The following OGFOD3 variants were observed in gnomAD, a reference collection of about 807,000 sequenced individuals.
OGFOD3 encodes 2-oxoglutarate and iron-dependent oxygenase domain-containing protein 3.
Under a neutral mutation model 39.8 loss-of-function variants are expected in OGFOD3, and 35 were observed. The ratio of observed to expected loss-of-function variants is 0.88; its 90% CI spans 0.67 to 1.17. OGFOD3 has a LOEUF of 1.17. OGFOD3 is among the 50% of genes most tolerant of loss of function. The pLI, the probability that OGFOD3 is intolerant of heterozygous loss-of-function variation, is 0.00. For missense variants in OGFOD3, 438 were observed against 454.5 expected (o/e 0.96, Z 0.33); for synonymous variants, 200 against 192.0 (o/e 1.04, Z -0.34).
At chr17:82,418,123 G>GAGC (rs2053102238) in intron 1 of OGFOD3, among the ~76,000 whole-genome samples, 1 of 152,202 alleles carries the variant, frequency 6.6e-6, no homozygotes, top group South Asian at 2.1e-4. Flanking sequence ...CAGGTTCCCG[G>GAGC]AGCAGCAGCA....
At chr17:82,401,818 A>C (rs1328284592) in intron 7 of OGFOD3, among the ~76,000 whole-genome samples, 7 of 149,832 alleles carry the variant, frequency 4.7e-5, no homozygotes, top group African/African-American at 1.7e-4. Context: ...AAAAAAAAAA[A>C]AAAAACAAAG....
intron 5 of OGFOD3, 34 bp from the exon 6 acceptor site, chr17:82,405,414 C>T (rs900657606): frequency 1.3e-6 from 2 of 1,548,890 alleles, no homozygotes; most frequent in Non-Finnish European, 8.9e-7. Flanking sequence ...AAGGTCACAA[C>T]ACTTCATTAA....
intron 8 of OGFOD3, chr17:82,394,581 G>T: frequency 6.5e-7 from 1 of 1,545,110 alleles, no homozygotes; most frequent in Non-Finnish European, 8.8e-7. Context: ...GTAAAGGGTT[G>T]ACTCCAGGGG....
rs1199624821 is a variant in OGFOD3 at position 82,390,364 on chromosome 17, C to T, written c.*2034G>A. On this transcript the variant is annotated 3_prime_UTR_variant, in exon 9 of 9. Transcript: ENST00000313056. The surrounding 1 kb of genome is among the most constrained non-coding windows in gnomAD (Gnocchi z 4.9). ...TCAAGGGCGGCCCAGGCTCAGGCGA[C>T]TTCCCACCCACGATGGGGCCCACCA... 1 of 152,324 alleles carries T rather than the reference C, an allele frequency of 6.6e-6. No individual in the cohort carries two copies. Among genetic ancestry groups the T allele is most frequent in the Non-Finnish European group, 1.5e-5 (1 of 68,102 alleles). 9.4% of individuals were successfully genotyped at this position (152,324 alleles called of 1,614,324 possible). A position where few individuals can be genotyped will look rare whatever the true frequency, so the allele number is the denominator to read the frequency against.
At chr17:82,405,245 C>A (rs1242321445) in intron 6 of OGFOD3, 79 bp downstream of exon 6, 2 of 1,304,094 alleles carry the variant, frequency 1.5e-6, no homozygotes, top group Non-Finnish European at 2.2e-6. Flanking sequence ...GGGGCCTCCC[C>A]GGACCGGCCA....
In OGFOD3 at chr17:82,404,200, C is replaced by T. The variant is rs983710708; in HGVS notation, c.546-110G>A. 4.7e-5 allele frequency: 60 copies of T among 1,289,230 alleles called. No homozygotes were observed. The highest frequency in any genetic ancestry group is 5.0e-5 in the Non-Finnish European group (48 of 965,048). The allele number at this position is 1,289,230 out of a possible 1,614,324, so 79.9% of individuals were successfully genotyped here. ...ACCAGCCTTCGTACGGCTCCGGGCCCGCGGGGCGGGGGCTCCCAAGCACAC... is the reference window on the plus strand; with the variant it reads ...ACCAGCCTTCGTACGGCTCCGGGCCTGCGGGGCGGGGGCTCCCAAGCACAC... On this transcript the variant is annotated intron_variant, in intron 6 of 8. Coordinates refer to ENST00000313056, the MANE Select transcript of OGFOD3 (RefSeq NM_024648.3). The surrounding 1 kb of genome is among the most constrained non-coding windows in gnomAD (Gnocchi z 4.5).
intron 2 of OGFOD3, among the ~76,000 whole-genome samples, chr17:82,414,983 ATC>A (rs2053009418): frequency 6.6e-6 from 1 of 152,046 alleles, no homozygotes; most frequent in African/African-American, 2.4e-5. Flanking sequence ...CACCTCCCGC[ATC>A]TCTCAGGCCC....
intron 7 of OGFOD3, among the ~76,000 whole-genome samples, chr17:82,398,973 C>G (rs539238534): frequency 3.7e-4 from 39 of 104,602 alleles, no homozygotes; most frequent in Admixed American, 8.4e-4. Flanking sequence ...CTGTGCCTGG[C>G]TGATTTTTGT....
Position 82,418,208 on chromosome 17 carries a change from G to A in OGFOD3, c.74+204C>T, listed in dbSNP as rs971264031. ...CTGGGATAGGTGGGCCTCTGCCGTCGGCTACCGCGGCTCCCGCCCGCACCT... is the reference window on the plus strand; with the variant it reads ...CTGGGATAGGTGGGCCTCTGCCGTCAGCTACCGCGGCTCCCGCCCGCACCT... On this transcript the variant is annotated intron_variant, in intron 1 of 8. Coordinates refer to ENST00000313056, the MANE Select transcript of OGFOD3 (RefSeq NM_024648.3). The A allele has an allele frequency of 3.0e-5, 12 of 402,546 alleles. No homozygotes were observed. In the East Asian group the frequency reaches 4.7e-4, roughly 16 times the overall value. The allele number at this position is 402,546 out of a possible 1,614,324, so 24.9% of individuals were successfully genotyped here.
At chr17:82,412,883 C>T (rs768599162) in intron 2 of OGFOD3, among the ~76,000 whole-genome samples, 1 of 152,186 alleles carries the variant, frequency 6.6e-6, no homozygotes, top group Admixed American at 6.5e-5. Context: ...CAGCCCTGAG[C>T]CTGGACGTGG....
At chr17:82,400,009 G>A (rs1222517163) in intron 7 of OGFOD3, among the ~76,000 whole-genome samples, 2 of 152,222 alleles carry the variant, frequency 1.3e-5, no homozygotes, top group African/African-American at 2.4e-5. Flanking sequence ...CGTGTGCAGT[G>A]GAGAGAGCCC....
chr17:82,417,624 A>AC (rs2053086002), intron 1 of OGFOD3, among the ~76,000 whole-genome samples: 1 of 151,496 alleles, frequency 6.6e-6, no homozygotes, highest in African/African-American at 2.4e-5. Flanking sequence ...GTCTCAAAAA[A>AC]AAAAAAAAAA....
At position 82,415,729 on chromosome 17, in the gene OGFOD3, A is replaced by C; in HGVS notation, c.75-102T>G. ...ATGCACCATGACCCGGCCTTCACTC[A>C]CACGTCACCCCTGAAACGAGGGCTT... On this transcript the variant is annotated intron_variant, in intron 1 of 8. Coordinates refer to ENST00000313056, the MANE Select transcript of OGFOD3 (RefSeq NM_024648.3). This position sits in a 1 kb window ranked among gnomAD's most constrained non-coding sequence, Gnocchi z 5.3. The C allele has an allele frequency of 9.7e-7, 1 of 1,034,236 alleles. No homozygotes were observed. The highest frequency in any genetic ancestry group is 1.4e-6 in the Non-Finnish European group (1 of 721,362). 64.1% of individuals were successfully genotyped at this position (1,034,236 alleles called of 1,614,324 possible).
intron 4 of OGFOD3, 150 bp downstream of exon 4, chr17:82,409,218 T>C (rs2052905155): frequency 6.9e-6 from 5 of 725,056 alleles, no homozygotes; most frequent in South Asian, 1.6e-5. Context: ...GCGCAGCTGC[T>C]GCGGCTGGTG....
intron 7 of OGFOD3, among the ~76,000 whole-genome samples, chr17:82,399,067 C>A (rs2052723821): frequency 6.6e-6 from 1 of 150,968 alleles, no homozygotes; most frequent in Admixed American, 6.6e-5. Context: ...AAACTCCTGG[C>A]CCCAAGTGAT....
chr17:82,409,323 A>G, intron 4 of OGFOD3, 45 bp downstream of exon 4: 1 of 1,600,682 alleles, frequency 6.2e-7, no homozygotes, highest in Non-Finnish European at 8.6e-7. Context: ...GTGAGAGCAA[A>G]GTTAACGGGT....
chr17:82,418,194 G>A (rs1024184481), intron 1 of OGFOD3: 10 of 406,894 alleles, frequency 2.5e-5, no homozygotes, highest in Middle Eastern at 7.0e-4. Context: ...TGGGATAGGT[G>A]GGCCTCTGCC....
chr17:82,416,711 C>T (rs970246206), intron 1 of OGFOD3, among the ~76,000 whole-genome samples: 13 of 151,648 alleles, frequency 8.6e-5, no homozygotes, highest in Non-Finnish European at 1.9e-4. Context: ...ACTCTTGTTG[C>T]CCAGGCTGGA....
chr17:82,411,510 C>T lies in OGFOD3; in HGVS notation c.325G>A (p.Gly109Ser), dbSNP rs886182130. 11 of 1,614,130 alleles carry T rather than the reference C, an allele frequency of 6.8e-6. No homozygotes were observed. Among genetic ancestry groups the T allele is most frequent in the South Asian group, 6.6e-5 (6 of 91,088 alleles). The change falls in exon 3 of 9, where the codon GGC (glycine) becomes AGC (serine). Residue 109 changes from glycine to serine, a missense_variant. Coordinates refer to ENST00000313056, the MANE Select transcript of OGFOD3 (RefSeq NM_024648.3). ...ATGACGACATCGGTGACACCTCTGC[C>T]GCACTTTCGGGGAGTGCAGCCTGTG... is the stretch of plus-strand genomic sequence containing the variant. ...RFEGCTPRKC[G>S]RGVTDVVITR...
Sources: allele counts gnomAD v4.1 joint callset (sites outside exome capture counted in the v4.1 genomes callset), GRCh38; gene constraint gnomAD v4.1.1; non-coding constraint Gnocchi (gnomAD v3.1); transcripts MANE v1.5; gene names NCBI Gene and HGNC (gene_info 2026-07-23, HGNC 2026-07-21).